Variants in KIAA0586 observed in about 807,000 individuals in gnomAD.
The protein encoded by KIAA0586 is protein TALPID3.
Under a neutral mutation model 169.8 loss-of-function variants are expected in KIAA0586, and 144 were observed. That is an observed-to-expected ratio of 0.85 (90% CI 0.74 to 0.97). The LOEUF is 0.97. Ranked by LOEUF, KIAA0586 falls within the 50% of genes least tolerant of loss-of-function variation. The pLI, the probability that KIAA0586 is intolerant of heterozygous loss-of-function variation, is 0.00. For missense variants in KIAA0586, 1,854 were observed against 1,823.0 expected (o/e 1.02, Z -0.31); for synonymous variants, 625 against 612.4 (o/e 1.02, Z -0.30).
chr14:58,548,083 G>A lies in KIAA0586; in HGVS notation c.*151G>A. 3.3e-6 allele frequency: 3 copies of A among 901,498 alleles called. No individual in the cohort carries two copies. The highest frequency in any genetic ancestry group is 2.8e-5 in the East Asian group (1 of 35,884). 55.8% of individuals were successfully genotyped at this position (901,498 alleles called of 1,614,324 possible). On this transcript the variant is annotated 3_prime_UTR_variant, in exon 31 of 31. Coordinates refer to ENST00000652326, the MANE Select transcript of KIAA0586 (RefSeq NM_001329943.3). ...AAAATAAAACAAAAAGCATAATTTG[G>A]GTATTTAAAGTTTTTAAATAAAATA...
intron 7 of KIAA0586, among the ~76,000 whole-genome samples, chr14:58,449,363 G>T (rs931782765): frequency 1.3e-5 from 2 of 152,074 alleles, no homozygotes; most frequent in African/African-American, 4.8e-5. Flanking sequence ...CCTGTCTCTA[G>T]AAATAAAAAT....
Position 58,488,027 on chromosome 14 carries a change from C to T in KIAA0586, c.3445C>T (p.Pro1149Ser). Reference protein sequence around the residue: ...DKLKVSSPELPKPWGDGDLPL... With the variant: ...DKLKVSSPELSKPWGDGDLPL... The stretch of plus-strand genomic sequence containing the variant: ...ATTGAAGGTATCAAGCCCAGAGCTT[C>T]CCAAGCCATGGGGTGATGGAGACCT... Residue 1149 changes from proline (P) to serine (S), a missense_variant, in exon 23 of 31, where the codon CCC (proline) becomes TCC (serine). Pro to Ser is a moderately conservative substitution (Grantham distance 74, BLOSUM62 -1). Transcript: ENST00000652326. 2 of 1,610,770 alleles carry T rather than the reference C, an allele frequency of 1.2e-6. No homozygotes were observed. The highest frequency in any genetic ancestry group is 1.1e-5 in the South Asian group (1 of 90,410).
rs975120389 is a variant in KIAA0586, at chr14:58,546,974, T to A, written c.4496-807T>A. On this transcript the variant is annotated intron_variant, in intron 30 of 30. Transcript: ENST00000652326. Reference sequence around the variant, plus strand: ...CTGCAGTATGTTTTTCCTCTGACATTGCTAACCTTATATCACTTCTGTTGG... The same window carrying A: ...CTGCAGTATGTTTTTCCTCTGACATAGCTAACCTTATATCACTTCTGTTGG... Among the ~76,000 whole-genome samples the A allele has an allele frequency of 3.3e-5, 5 of 152,186 alleles. No individual in the cohort carries two copies. The East Asian group carries it at 9.6e-4, about 29-fold the overall frequency.
At chr14:58,443,902 T>C (rs2038628130) in intron 5 of KIAA0586, 52 bp from the exon 6 acceptor site, 1 of 1,046,680 alleles carries the variant, frequency 9.6e-7, no homozygotes, top group African/African-American at 1.6e-5. Context: ...TAATTAGACA[T>C]ATTTTTGGTA....
chr14:58,455,717 C>CTG (rs2039777268), intron 9 of KIAA0586, among the ~76,000 whole-genome samples: 1 of 151,944 alleles, frequency 6.6e-6, no homozygotes, highest in African/African-American at 2.4e-5. Context: ...AGTGCATGCA[C>CTG]ATGCATGTGC....
rs2047146100 is a variant in KIAA0586 at position 58,549,297 on chromosome 14, G to A, written c.*1365G>A. ...ACTAATGCCTGGGCCTTGTACCAAG[G>A]GATTTCAATTTAATTGATCTTGGAT... On this transcript the variant is annotated 3_prime_UTR_variant, in exon 31 of 31. Coordinates refer to ENST00000652326, the MANE Select transcript of KIAA0586 (RefSeq NM_001329943.3). 1 of 151,540 alleles carries A rather than the reference G, an allele frequency of 6.6e-6. No individual in the cohort carries two copies. The highest frequency in any genetic ancestry group is 6.6e-5 in the Admixed American group (1 of 15,214). The allele number at this position is 151,540 out of a possible 1,614,324, so 9.4% of individuals were successfully genotyped here.
In KIAA0586 at chr14:58,444,157, A is replaced by G. The variant is rs550354835; in HGVS notation, c.789A>G (p.Gln263=). The part of the protein sequence containing the change: ...QHIRHLEKLQ[Q]QQIDIQTHFI... Reference sequence around the variant, plus strand: ...TAAGGCATCTTGAAAAGTTACAACAACAACAAATAGATATTCAGGTATCTG... The same window carrying G: ...TAAGGCATCTTGAAAAGTTACAACAGCAACAAATAGATATTCAGGTATCTG... The change falls in exon 6 of 31, where the codon CAA becomes CAG. Residue 263 remains glutamine (Q), a synonymous_variant. Coordinates refer to ENST00000652326, the MANE Select transcript of KIAA0586 (RefSeq NM_001329943.3). 43 of 1,608,494 alleles carry G rather than the reference A, an allele frequency of 2.7e-5. 1 individual carries two copies. In the African/African-American group the frequency reaches 4.8e-4, roughly 18 times the overall value.
intron 29 of KIAA0586, among the ~76,000 whole-genome samples, chr14:58,516,358 G>A (rs958698320): frequency 6.6e-6 from 1 of 152,074 alleles, no homozygotes; most frequent in African/African-American, 2.4e-5. Context: ...CAACACATCT[G>A]TTATTTCCAG....
upstream of KIAA0586, chr14:58,427,624 G>C: frequency 2.0e-6 from 3 of 1,535,680 alleles, no homozygotes; most frequent in Non-Finnish European, 2.6e-6. Context: ...TAGCTTTCTG[G>C]TTGGATGTTT....
rs572303344 is a variant in KIAA0586, at chr14:58,521,413, G to A, written c.4429+8786G>A. On this transcript the variant is annotated intron_variant, in intron 29 of 30. Coordinates refer to ENST00000652326, the MANE Select transcript of KIAA0586 (RefSeq NM_001329943.3). ...TAGTATGTTAATGAGAGAAATGCCC[G>A]GGCCGCTGTAGGTGGAGATGTACAG... The A allele has an allele frequency of 8.9e-5, 73 of 823,794 alleles. No individual in the cohort carries two copies. In the African/African-American group the frequency reaches 9.0e-4, roughly 10 times the overall value. 51.0% of individuals were successfully genotyped at this position (823,794 alleles called of 1,614,324 possible). A position where few individuals can be genotyped will look rare whatever the true frequency, so the allele number is the denominator to read the frequency against.
intron 29 of KIAA0586, among the ~76,000 whole-genome samples, chr14:58,518,520 A>C (rs947420058): frequency 3.3e-5 from 5 of 152,226 alleles, no homozygotes; most frequent in Non-Finnish European, 7.3e-5. Flanking sequence ...GAAAGGGAAG[A>C]ACTGTCAGCT....
intron 4 of KIAA0586, among the ~76,000 whole-genome samples, chr14:58,434,731 C>T (rs1343424053): frequency 6.6e-6 from 1 of 152,194 alleles, no homozygotes; most frequent in East Asian, 1.9e-4. Flanking sequence ...ACTTATGCAC[C>T]AGCCACTGTC....
At chr14:58,449,680 G>A (rs2140683958) in intron 7 of KIAA0586, among the ~76,000 whole-genome samples, 1 of 152,254 alleles carries the variant, frequency 6.6e-6, no homozygotes, top group African/African-American at 2.4e-5. Flanking sequence ...TCAGAGCTAG[G>A]GCCAGAACTC....
At chr14:58,535,298 T>G (rs1298284353) in intron 29 of KIAA0586, among the ~76,000 whole-genome samples, 1 of 148,390 alleles carries the variant, frequency 6.7e-6, no homozygotes, top group African/African-American at 2.4e-5. Flanking sequence ...AAACATAGAG[T>G]CTCTCAGTTC....
intron 25 of KIAA0586, among the ~76,000 whole-genome samples, chr14:58,491,923 G>T (rs113207472): frequency 1.1e-4 from 16 of 152,082 alleles, no homozygotes; most frequent in African/African-American, 3.9e-4. Flanking sequence ...AGTTTATGTT[G>T]TACCAAATTA....
chr14:58,499,548 A>C (rs2043406455), intron 27 of KIAA0586, among the ~76,000 whole-genome samples: 1 of 148,366 alleles, frequency 6.7e-6, no homozygotes, highest in Admixed American at 6.8e-5. Context: ...CACCGCGCCT[A>C]GCCTATTTTA....
At chr14:58,488,919 A>G (rs767607143) in intron 24 of KIAA0586, 45 bp downstream of exon 24, 5 of 1,573,118 alleles carry the variant, frequency 3.2e-6, no homozygotes, top group Non-Finnish European at 4.3e-6. Context: ...AGATTATGCT[A>G]ATTCCCTAAG....
At chr14:58,487,528 C>T (rs557157345) in intron 22 of KIAA0586, among the ~76,000 whole-genome samples, 6 of 152,132 alleles carry the variant, frequency 3.9e-5, no homozygotes, top group African/African-American at 1.4e-4. Flanking sequence ...ATTGCTTGAA[C>T]CCGGGAGGCA....
At chr14:58,507,888 G>A (rs1032163357) in intron 27 of KIAA0586, among the ~76,000 whole-genome samples, 5 of 152,004 alleles carry the variant, frequency 3.3e-5, no homozygotes, top group African/African-American at 7.3e-5. Context: ...GGGTTCAAGC[G>A]ATTCTCCTGC....
Sources: gnomAD v4.1 joint callset for allele counts (sites outside exome capture counted in the v4.1 genomes callset) on GRCh38, gnomAD v4.1.1 for gene constraint, MANE v1.5 for transcripts, NCBI Gene and HGNC (gene_info 2026-07-23, HGNC 2026-07-21) for gene names.